The following SORCS2 variants were observed in gnomAD, a reference collection of about 807,000 sequenced individuals.
SORCS2 encodes the protein sortilin related VPS10 domain containing receptor 2, also known as VPS10 domain-containing receptor SorCS2.
In SORCS2, 100 loss-of-function variants were observed where a neutral mutation model predicts 141.6. That is an observed-to-expected ratio of 0.71 (90% CI 0.60 to 0.83). The LOEUF (loss-of-function observed/expected upper bound fraction) is 0.83. Ranked by LOEUF, SORCS2 falls within the 40% of genes least tolerant of loss-of-function variation. The pLI is 0.00. For missense variants in SORCS2, 1,646 were observed against 1,560.2 expected (o/e 1.05, Z -0.93); for synonymous variants, 789 against 676.9 (o/e 1.17, Z -2.57).
chr4:7,457,349 G>A (rs1209800197), intron 2 of SORCS2, among the ~76,000 whole-genome samples: 1 of 152,238 alleles, frequency 6.6e-6, no homozygotes, highest in African/African-American at 2.4e-5. Context: ...GGTGGGGAGG[G>A]ACAACAGCAC....
At chr4:7,296,280 G>A (rs902704361) in intron 1 of SORCS2, among the ~76,000 whole-genome samples, 3 of 152,234 alleles carry the variant, frequency 2.0e-5, no homozygotes, top group East Asian at 1.9e-4. Context: ...TCTTTTCCCC[G>A]GAGCAAGCAC....
intron 5 of SORCS2, among the ~76,000 whole-genome samples, chr4:7,660,900 G>T (rs1330656727): frequency 1.3e-5 from 2 of 152,274 alleles, no homozygotes; most frequent in Non-Finnish European, 2.9e-5. Flanking sequence ...ATGGCTGAGA[G>T]AGCAATCTTC....
At chr4:7,215,236 C>G (rs1421881958) in intron 1 of SORCS2, among the ~76,000 whole-genome samples, 1 of 152,162 alleles carries the variant, frequency 6.6e-6, no homozygotes, top group Non-Finnish European at 1.5e-5. Context: ...GCAGGCCGGC[C>G]CTGCTGGCCC....
At chr4:7,525,748 TGTGCCCTCCTGC>T (rs1733632779) in intron 2 of SORCS2, among the ~76,000 whole-genome samples, 2 of 108,560 alleles carry the variant, frequency 1.8e-5, no homozygotes, top group Admixed American at 8.8e-5. Flanking sequence ...TGCAGTCACC[TGTGCCCTCCTGC>T]AATCACCTGT....
In SORCS2 at chr4:7,697,204, T is replaced by G; in HGVS notation, c.1598T>G (p.Leu533Arg). The G allele has an allele frequency of 6.3e-7, 1 of 1,581,572 alleles. No individual in the cohort carries two copies. The highest frequency in any genetic ancestry group is 8.6e-7 in the Non-Finnish European group (1 of 1,163,746). The change falls in exon 12 of 27, where the codon CTG becomes CGG. Residue 533 changes from leucine to arginine, a missense_variant. Physicochemically the swap from Leu to Arg is moderately radical, Grantham distance 102. Transcript: ENST00000507866. ...CCCTTTTCTTTTGGACCAGGTAACC[T>G]GGGCTCACAGCTGGTGGAATATAAA... ...APGLIMGAGN[L>R]GSQLVEYKEE...
chr4:7,318,472 A>G (rs946899460), intron 1 of SORCS2, among the ~76,000 whole-genome samples: 1 of 152,210 alleles, frequency 6.6e-6, no homozygotes, highest in African/African-American at 2.4e-5. Context: ...TATCCAGAGC[A>G]CACACTGGGA....
At chr4:7,373,052 T>C (rs1722362990) in intron 1 of SORCS2, among the ~76,000 whole-genome samples, 1 of 150,798 alleles carries the variant, frequency 6.6e-6, no homozygotes, top group Non-Finnish European at 1.5e-5. Context: ...GCTCTGAATG[T>C]TTGTGTGCAG....
chr4:7,317,779 A>G (rs923093980), intron 1 of SORCS2, among the ~76,000 whole-genome samples: 2 of 152,334 alleles, frequency 1.3e-5, no homozygotes, highest in Non-Finnish European at 2.9e-5. Flanking sequence ...TACCATCTGA[A>G]GGTGAGAAGG....
chr4:7,708,967 C>A (rs1054041039), intron 14 of SORCS2, among the ~76,000 whole-genome samples: 1 of 152,172 alleles, frequency 6.6e-6, no homozygotes, highest in Non-Finnish European at 1.5e-5. Context: ...TGCATAAAAT[C>A]CTTCATGACT....
chr4:7,505,683 T>C (rs1008597951), intron 2 of SORCS2, among the ~76,000 whole-genome samples: 1 of 151,644 alleles, frequency 6.6e-6, no homozygotes, highest in African/African-American at 2.4e-5. Flanking sequence ...AGAGCCTGGC[T>C]CTGCCAGCGG....
At chr4:7,727,278 C>T (rs539427173) in intron 21 of SORCS2, among the ~76,000 whole-genome samples, 13 of 152,236 alleles carry the variant, frequency 8.5e-5, no homozygotes, top group Non-Finnish European at 1.9e-4. Context: ...AGCATTGTCT[C>T]ATGATGGCAG....
At chr4:7,709,168 C>A (rs1394618197) in intron 14 of SORCS2, among the ~76,000 whole-genome samples, 1 of 152,220 alleles carries the variant, frequency 6.6e-6, no homozygotes, top group African/African-American at 2.4e-5. Context: ...CAAGCCGTTC[C>A]TGAGGCCAGA....
intron 17 of SORCS2, 147 bp downstream of exon 17, chr4:7,715,458 A>G (rs1577109705): frequency 8.3e-7 from 1 of 1,211,980 alleles, no homozygotes; most frequent in South Asian, 1.5e-5. Context: ...AGGATGCCCC[A>G]CGCTCACAGC....
intron 2 of SORCS2, among the ~76,000 whole-genome samples, chr4:7,454,138 A>T (rs1431534489): frequency 2.6e-4 from 11 of 43,060 alleles, no homozygotes; most frequent in African/African-American, 5.1e-4. Flanking sequence ...TGGGGTCAGG[A>T]GCTGTGTGTT....
chr4:7,665,774 G>A (rs1339084408), intron 7 of SORCS2, among the ~76,000 whole-genome samples: 1 of 152,236 alleles, frequency 6.6e-6, no homozygotes, highest in East Asian at 1.9e-4. Flanking sequence ...AAGTACCAGA[G>A]CAAAGACAGT....
chr4:7,453,154 C>T, intron 2 of SORCS2, among the ~76,000 whole-genome samples: 1 of 112,610 alleles, frequency 8.9e-6, no homozygotes. Context: ...GTGTTGGGGT[C>T]AGGTGCTGTG....
chr4:7,332,771 G>A (rs568254529), intron 1 of SORCS2, among the ~76,000 whole-genome samples: 27 of 152,336 alleles, frequency 1.8e-4, no homozygotes, highest in African/African-American at 6.3e-4. Flanking sequence ...TGGATGACAT[G>A]ACCTCAGCCT....
intron 15 of SORCS2, 97 bp from the exon 16 acceptor site, chr4:7,714,143 C>G: frequency 6.8e-7 from 1 of 1,471,138 alleles, no homozygotes; most frequent in South Asian, 1.4e-5. Context: ...CCTGAGCCAT[C>G]AGCCATCTTC....
chr4:7,354,720 G>A (rs182361977), intron 1 of SORCS2, among the ~76,000 whole-genome samples: 3 of 152,328 alleles, frequency 2.0e-5, no homozygotes, highest in Admixed American at 6.5e-5. Flanking sequence ...GAGAGAGAGA[G>A]GAGGGCAGCA....
Sources: gnomAD v4.1 joint callset for allele counts (sites outside exome capture counted in the v4.1 genomes callset) on GRCh38, gnomAD v4.1.1 for gene constraint, MANE v1.5 for transcripts, NCBI Gene and HGNC (gene_info 2026-07-23, HGNC 2026-07-21) for gene names.